Variants in CST3 observed in about 807,000 individuals in gnomAD.
The protein encoded by CST3 is cystatin-C.
Under a neutral mutation model 9.0 loss-of-function variants are expected in CST3, and 14 were observed. That is an observed-to-expected ratio of 1.56 (90% CI 1.03 to 2.44). CST3 has a LOEUF of 2.44. CST3 is among the 30% of genes most tolerant of loss of function. The pLI is 0.00. For missense variants in CST3, 237 were observed against 204.3 expected (o/e 1.16, Z -0.98); for synonymous variants, 96 against 90.2 (o/e 1.06, Z -0.37).
chr20:23,628,487 T>G (rs1468522732), exon 4 of CST3: 1 of 152,228 alleles, frequency 6.6e-6, no homozygotes, highest in Non-Finnish European at 1.5e-5. Context: ...TTCTGCAAGC[T>G]GGTCCTTGAG....
chr20:23,635,201 C>T, intron 2 of CST3, 53 bp downstream of exon 2: 1 of 1,451,278 alleles, frequency 6.9e-7, no homozygotes, highest in Non-Finnish European at 9.7e-7. Context: ...CACACACACA[C>T]ACACACCCCT....
Position 23,633,774 on chromosome 20 carries a change from G to A in CST3, c.*142C>T. 1 of 758,148 alleles carries A rather than the reference G, an allele frequency of 1.3e-6. No individual in the cohort carries two copies. The highest frequency in any genetic ancestry group is 1.7e-5 in the African/African-American group (1 of 58,760). 47.0% of individuals were successfully genotyped at this position (758,148 alleles called of 1,614,324 possible). ...CCTTGCTGAGCAACAAAGGCCGCCT[G>A]CTGCCTTCTCTGTCTGTCTCCTGGT... On this transcript the variant is annotated 3_prime_UTR_variant, in exon 3 of 3. Transcript: ENST00000376925.
intron 2 of CST3, among the ~76,000 whole-genome samples, chr20:23,634,460 C>T (rs1979581226): frequency 6.6e-6 from 1 of 152,116 alleles, no homozygotes; most frequent in African/African-American, 2.4e-5. Flanking sequence ...GTGTGGCTCT[C>T]CCCTGAGCAG....
Position 23,637,943 on chromosome 20 carries a change from G to C in CST3, c.-81C>G. 5 of 1,314,058 alleles carry C rather than the reference G, an allele frequency of 3.8e-6. No individual in the cohort carries two copies. Among genetic ancestry groups the C allele is most frequent in the Non-Finnish European group, 3.9e-6 (4 of 1,038,328 alleles). 81.4% of individuals were successfully genotyped at this position (1,314,058 alleles called of 1,614,324 possible). On this transcript the variant is annotated 5_prime_UTR_variant, in exon 1 of 3. Coordinates refer to ENST00000376925, the MANE Select transcript of CST3 (RefSeq NM_000099.4). The stretch of plus-strand genomic sequence containing the variant: ...GATAGAGAGGACCCGCTGCGATACC[G>C]AGGCGAGGCCGTGAGCCCCGCGAGG...
intron 1 of CST3, among the ~76,000 whole-genome samples, 165 bp downstream of exon 1, chr20:23,637,455 C>G (rs1979722765): frequency 6.6e-6 from 1 of 152,194 alleles, no homozygotes; most frequent in South Asian, 2.1e-4. Flanking sequence ...AGGGCATTCC[C>G]GGACACGCCC....
chr20:23,628,272 A>T (rs1377452721), exon 4 of CST3: 1 of 152,238 alleles, frequency 6.6e-6, no homozygotes, highest in Non-Finnish European at 1.5e-5. Flanking sequence ...GCACAGCTAC[A>T]CTTCTGGCTG....
intron 1 of CST3, 67 bp from the exon 2 acceptor site, chr20:23,635,434 T>C: frequency 9.4e-6 from 13 of 1,379,240 alleles, no homozygotes; most frequent in Non-Finnish European, 1.3e-5. Flanking sequence ...ACACAGGCAC[T>C]TCACTGTGAC....
chr20:23,637,577 C>A, intron 1 of CST3, 43 bp downstream of exon 1: 1 of 1,451,080 alleles, frequency 6.9e-7, no homozygotes, highest in Admixed American at 2.5e-5. Flanking sequence ...GAGGCTGGGA[C>A]GGCGGGGCCG....
In CST3 at chr20:23,633,717, AGAAGCAAGAAG is replaced by A; in HGVS notation, c.*188_*198del. Reference sequence around the variant, plus strand: ...GTATGCACCGCACACCGGGGCTATGAGAAGCAAGAAGGAAGGAGGGAGGGCAGAGCCCCTTG... The same window carrying A: ...GTATGCACCGCACACCGGGGCTATGAGAAGGAGGGAGGGCAGAGCCCCTTG... On this transcript the variant is annotated 3_prime_UTR_variant, in exon 3 of 3. Coordinates refer to ENST00000376925, the MANE Select transcript of CST3 (RefSeq NM_000099.4). 2 of 667,612 alleles carry A rather than the reference AGAAGCAAGAAG, an allele frequency of 3.0e-6. No individual in the cohort carries two copies. Among genetic ancestry groups the A allele is most frequent in the South Asian group, 3.3e-5 (2 of 60,736 alleles). 41.4% of individuals were successfully genotyped at this position (667,612 alleles called of 1,614,324 possible).
chr20:23,634,090 A>C, intron 2 of CST3, 91 bp from the exon 3 acceptor site: 1 of 1,051,034 alleles, frequency 9.5e-7, no homozygotes, highest in South Asian at 1.3e-5. Context: ...GGAGTGAAGA[A>C]GGATGGAGGT....
downstream of CST3, among the ~76,000 whole-genome samples, chr20:23,631,609 C>T (rs1021922092): frequency 6.6e-6 from 1 of 152,196 alleles, no homozygotes; most frequent in Non-Finnish European, 1.5e-5. Flanking sequence ...TGTCTGCAGG[C>T]TTGCCATCGA....
chr20:23,635,128 TCCA>T (rs1979609865), intron 2 of CST3, 123 bp downstream of exon 2: 1 of 840,104 alleles, frequency 1.2e-6, no homozygotes, highest in Non-Finnish European at 2.0e-6. Flanking sequence ...CATATGCATC[TCCA>T]CGTGTACACA....
chr20:23,632,510 C>G (rs1283356032), downstream of CST3, among the ~76,000 whole-genome samples: 1 of 152,166 alleles, frequency 6.6e-6, no homozygotes, highest in African/African-American at 2.4e-5. Context: ...CCCAAAGACC[C>G]TGTTAAAGCA....
At chr20:23,628,976 T>TA (rs1407999593), downstream of CST3, 1 of 152,222 alleles carries the variant, frequency 6.6e-6, no homozygotes, top group African/African-American at 2.4e-5. Flanking sequence ...AAGTCTTTTT[T>TA]ATCTTCACAC....
At chr20:23,634,363 A>T (rs1211337897) in intron 2 of CST3, among the ~76,000 whole-genome samples, 1 of 152,184 alleles carries the variant, frequency 6.6e-6, no homozygotes, top group Non-Finnish European at 1.5e-5. Context: ...CCCTCAGGCC[A>T]GCACTATGAA....
At chr20:23,632,266 G>T (rs773158758), downstream of CST3, 1 of 152,288 alleles carries the variant, frequency 6.6e-6, no homozygotes, top group African/African-American at 2.4e-5. Flanking sequence ...TCAGCTGTCC[G>T]TTTCCACTGG....
At chr20:23,630,166 C>T (rs1979401550), downstream of CST3, among the ~76,000 whole-genome samples, 1 of 152,156 alleles carries the variant, frequency 6.6e-6, no homozygotes, top group Non-Finnish European at 1.5e-5. Flanking sequence ...ATCCAATGTC[C>T]ACGTCCCATC....
chr20:23,636,987 GA>G (rs201608936), intron 1 of CST3, among the ~76,000 whole-genome samples: 2,468 of 152,338 alleles, frequency 0.016, 40 homozygotes, highest in African/African-American at 0.039. Flanking sequence ...ACTTTCAAAA[GA>G]TTCAGGCAAA....
chr20:23,637,057 G>A (rs1246253913), intron 1 of CST3, among the ~76,000 whole-genome samples: 1 of 152,182 alleles, frequency 6.6e-6, no homozygotes, highest in African/African-American at 2.4e-5. Flanking sequence ...GTGAGCTGGG[G>A]GGAACAAACA....
Sources: allele counts gnomAD v4.1 joint callset (sites outside exome capture counted in the v4.1 genomes callset), GRCh38; gene constraint gnomAD v4.1.1; transcripts MANE v1.5; gene names NCBI Gene and HGNC (gene_info 2026-07-23, HGNC 2026-07-21).